CDH8: variants seen among roughly 807,000 people sequenced by gnomAD.
CDH8 encodes cadherin 8, also known as cadherin-8.
CDH8 carries 17 observed loss-of-function variants against 68.1 expected under a neutral mutation model. The ratio of observed to expected loss-of-function variants is 0.25; its 90% CI spans 0.17 to 0.37. The LOEUF (loss-of-function observed/expected upper bound fraction) is 0.37. Among genes scored for constraint, CDH8 ranks in the 10% least tolerant of loss-of-function variants. The pLI, the probability that CDH8 is intolerant of heterozygous loss-of-function variation, is 1.00. For synonymous variants in CDH8, 372 were observed against 365.1 expected (o/e 1.02, Z -0.21); for missense variants, 763 against 999.3 (o/e 0.76, Z 3.19).
intron 2 of CDH8, among the ~76,000 whole-genome samples, chr16:62,006,912 G>GT (rs5817333): frequency 2.7e-4 from 33 of 123,972 alleles, no homozygotes; most frequent in African/African-American, 9.6e-4. Flanking sequence ...TAATCTTTTT[G>GT]TTTTTTTTTT....
chr16:61,771,943 T>C (rs1476876709), intron 8 of CDH8, among the ~76,000 whole-genome samples: 41 of 152,006 alleles, frequency 2.7e-4, no homozygotes, highest in Admixed American at 2.7e-3. Context: ...CAGCCTAATG[T>C]TACTCATTCA....
chr16:62,012,407 G>A (rs1032692429), intron 2 of CDH8, among the ~76,000 whole-genome samples: 1 of 151,992 alleles, frequency 6.6e-6, no homozygotes, highest in African/African-American at 2.4e-5. Flanking sequence ...CTCTCTTCAC[G>A]GTTTCATAAA....
chr16:61,984,390 A>AT (rs890078685), intron 2 of CDH8, among the ~76,000 whole-genome samples: 1 of 151,588 alleles, frequency 6.6e-6, no homozygotes, highest in South Asian at 2.1e-4. Context: ...TGAGTTGAGT[A>AT]TTTTTTTGTA....
chr16:61,841,816 AAAT>A (rs1962689210), intron 4 of CDH8, among the ~76,000 whole-genome samples: 1 of 152,146 alleles, frequency 6.6e-6, no homozygotes, highest in Non-Finnish European at 1.5e-5. Flanking sequence ...ATGAAATTTT[AAAT>A]AATAATAAGA....
chr16:61,864,433 T>TG (rs1567505754), intron 3 of CDH8, among the ~76,000 whole-genome samples: 1 of 152,122 alleles, frequency 6.6e-6, no homozygotes, highest in Non-Finnish European at 1.5e-5. Context: ...AGGAAAAAGC[T>TG]GAGAAATAAG....
chr16:61,753,670 T>G (rs1339429224), intron 8 of CDH8, among the ~76,000 whole-genome samples: 1 of 152,168 alleles, frequency 6.6e-6, no homozygotes, highest in Non-Finnish European at 1.5e-5. Flanking sequence ...ACAGAGACAC[T>G]GCAAGTTTAG....
intron 4 of CDH8, among the ~76,000 whole-genome samples, chr16:61,836,050 T>C (rs561265017): frequency 3.0e-4 from 46 of 151,968 alleles, no homozygotes; most frequent in Non-Finnish European, 5.6e-4. Context: ...CAGAGTATAA[T>C]AGGTACTCAA....
chr16:61,745,959 A>T (rs1960010856), intron 8 of CDH8, among the ~76,000 whole-genome samples: 1 of 152,192 alleles, frequency 6.6e-6, no homozygotes, highest in South Asian at 2.1e-4. Context: ...TTCTTCTCCC[A>T]GGAAGATATG....
intron 8 of CDH8, among the ~76,000 whole-genome samples, chr16:61,773,297 T>C (rs1047269644): frequency 2.6e-5 from 4 of 152,008 alleles, no homozygotes; most frequent in Non-Finnish European, 4.4e-5. Flanking sequence ...ACATACATGA[T>C]TTTTTTGTGT....
intron 8 of CDH8, among the ~76,000 whole-genome samples, chr16:61,745,995 T>C (rs1960011752): frequency 6.6e-6 from 1 of 152,126 alleles, no homozygotes; most frequent in Admixed American, 6.6e-5. Context: ...TTGATACCAC[T>C]AAGACCGGAT....
In CDH8 at chr16:61,901,466, G is replaced by A; in HGVS notation, c.260C>T (p.Thr87Ile). Residue 87 changes from threonine (T) to isoleucine (I), a missense_variant, in exon 3 of 12, where the codon ACA (threonine) becomes ATA (isoleucine). Transcript: ENST00000577390. ...PEPILVGRLH[T>I]DLDPGSKKIK... ...TTTTTTGCTCCCAGGATCCAGGTCT[G>A]TGTGTAGCTGAAATGAAAAATGGCA... is the stretch of plus-strand genomic sequence containing the variant. 2.5e-6 allele frequency: 4 copies of A among 1,604,456 alleles called. No homozygotes were observed. The highest frequency in any genetic ancestry group is 3.4e-6 in the Non-Finnish European group (4 of 1,173,430).
chr16:61,933,572 C>T (rs538558399), intron 2 of CDH8, among the ~76,000 whole-genome samples: 19 of 151,982 alleles, frequency 1.3e-4, no homozygotes, highest in African/African-American at 2.9e-4. Context: ...ATAAATCAGA[C>T]GAGGAAGGAT....
intron 3 of CDH8, among the ~76,000 whole-genome samples, chr16:61,857,603 G>A (rs186161433): frequency 7.9e-5 from 12 of 152,108 alleles, no homozygotes; most frequent in Non-Finnish European, 1.0e-4. Context: ...TCACATTTAC[G>A]TCTTACAAAA....
At chr16:61,949,893 T>A (rs1964862433) in intron 2 of CDH8, among the ~76,000 whole-genome samples, 1 of 151,012 alleles carries the variant, frequency 6.6e-6, no homozygotes, top group Non-Finnish European at 1.5e-5. Context: ...GGGGCTGAGG[T>A]AGGAAGATTG....
At chr16:61,661,603 G>T (rs746231292) in intron 10 of CDH8, among the ~76,000 whole-genome samples, 1 of 151,772 alleles carries the variant, frequency 6.6e-6, no homozygotes, top group East Asian at 1.9e-4. Flanking sequence ...TCCTTAGAGG[G>T]AAATTTATAG....
intron 8 of CDH8, among the ~76,000 whole-genome samples, chr16:61,783,020 C>T (rs1417646500): frequency 8.7e-5 from 13 of 149,060 alleles, no homozygotes; most frequent in South Asian, 2.2e-4. Flanking sequence ...AACTCTAAAA[C>T]GCAGAGCGCC....
intron 2 of CDH8, among the ~76,000 whole-genome samples, chr16:62,019,910 C>G (rs1322713382): frequency 1.3e-5 from 2 of 152,122 alleles, no homozygotes; most frequent in Admixed American, 6.5e-5. Flanking sequence ...AACATAAGTT[C>G]CTTAAAGGCA....
At chr16:62,034,192 AAC>A (rs71134383) in intron 1 of CDH8, among the ~76,000 whole-genome samples, 1,645 of 146,814 alleles carry the variant, frequency 0.011, 42 homozygotes, top group African/African-American at 0.036. Flanking sequence ...CTCTCTCTCA[AAC>A]ACACACACAC....
chr16:62,001,331 G>T (rs1312400069), intron 2 of CDH8, among the ~76,000 whole-genome samples: 2 of 152,084 alleles, frequency 1.3e-5, no homozygotes, highest in East Asian at 1.9e-4. Context: ...TCTGGGTTGG[G>T]GTGAAGAGAT....
Sources: allele counts gnomAD v4.1 joint callset (sites outside exome capture counted in the v4.1 genomes callset), GRCh38; gene constraint gnomAD v4.1.1; transcripts MANE v1.5; gene names NCBI Gene and HGNC (gene_info 2026-07-23, HGNC 2026-07-21).